NELL1: variants seen among roughly 807,000 people sequenced by gnomAD.
NELL1 encodes protein kinase C-binding protein NELL1.
Under a neutral mutation model 107.4 loss-of-function variants are expected in NELL1, and 76 were observed. The ratio of observed to expected loss-of-function variants is 0.71; its 90% CI spans 0.59 to 0.86. The LOEUF is 0.86. Ranked by LOEUF, NELL1 falls within the 40% of genes least tolerant of loss-of-function variation. The probability of loss-of-function intolerance (pLI) is 0.00; values close to 1 mark genes in which losing one functional copy is unlikely to be tolerated. For synonymous variants in NELL1, 353 were observed against 341.2 expected, an observed-to-expected ratio of 1.03 and a Z score of -0.38; for missense variants, 1,024 against 1,005.5, an observed-to-expected ratio of 1.02 and a Z score of -0.25.
intron 12 of NELL1, among the ~76,000 whole-genome samples, chr11:21,057,313 C>T (rs759260912): frequency 6.6e-6 from 1 of 151,942 alleles, no homozygotes; most frequent in Non-Finnish European, 1.5e-5. Context: ...AGGTAAAGAT[C>T]ACACCAGCAG....
At chr11:20,894,115 C>A (rs1849676234) in intron 5 of NELL1, among the ~76,000 whole-genome samples, 1 of 152,080 alleles carries the variant, frequency 6.6e-6, no homozygotes, top group Non-Finnish European at 1.5e-5. Context: ...TTTCACACAA[C>A]TGATAATGCA....
intron 12 of NELL1, among the ~76,000 whole-genome samples, chr11:21,047,326 G>T (rs914160534): frequency 6.6e-6 from 1 of 151,734 alleles, no homozygotes; most frequent in African/African-American, 2.4e-5. Context: ...GCATCCCCCC[G>T]TTTTTTTGTT....
intron 15 of NELL1, among the ~76,000 whole-genome samples, chr11:21,445,543 G>T (rs1590937952): frequency 6.6e-6 from 1 of 152,198 alleles, no homozygotes; most frequent in East Asian, 1.9e-4. Flanking sequence ...CCATGTTGAG[G>T]CTGGTCTCGA....
At chr11:20,713,126 G>C (rs1564875165) in intron 2 of NELL1, among the ~76,000 whole-genome samples, 1 of 152,204 alleles carries the variant, frequency 6.6e-6, no homozygotes, top group Non-Finnish European at 1.5e-5. Flanking sequence ...GCTTTCAAGA[G>C]AGCATCAGCT....
At chr11:20,905,040 G>A (rs1282075427) in intron 5 of NELL1, among the ~76,000 whole-genome samples, 1 of 144,026 alleles carries the variant, frequency 6.9e-6, no homozygotes, top group Non-Finnish European at 1.5e-5. Context: ...AAGTCTCACT[G>A]TGTTGCCCAG....
chr11:20,768,406 C>T (rs1170559240), intron 2 of NELL1, among the ~76,000 whole-genome samples: 2 of 152,214 alleles, frequency 1.3e-5, no homozygotes, highest in African/African-American at 4.8e-5. Flanking sequence ...GGCCAGAGAG[C>T]ATAGCCAGGG....
chr11:20,771,946 G>A (rs1028360988), intron 2 of NELL1, among the ~76,000 whole-genome samples: 5 of 152,138 alleles, frequency 3.3e-5, no homozygotes, highest in African/African-American at 1.2e-4. Context: ...TTCAATGCAG[G>A]CAGATTTTTA....
intron 13 of NELL1, among the ~76,000 whole-genome samples, chr11:21,145,661 T>A (rs1371816452): frequency 6.6e-6 from 1 of 152,170 alleles, no homozygotes; most frequent in Non-Finnish European, 1.5e-5. Context: ...GTCTTAGACA[T>A]TTTTAGTAAG....
intron 3 of NELL1, among the ~76,000 whole-genome samples, chr11:20,836,828 CAG>C (rs35930539): frequency 0.63 from 96,317 of 151,698 alleles, 32,633 homozygotes; most frequent in Non-Finnish European, 0.77. Context: ...AGGTGAAAAA[CAG>C]AGGAATTTTT....
chr11:21,441,536 G>C (rs180701878), intron 15 of NELL1, among the ~76,000 whole-genome samples: 224 of 151,950 alleles, frequency 1.5e-3, no homozygotes, highest in Non-Finnish European at 3.0e-3. Context: ...ATCATTAAAG[G>C]CTGTATGATA....
In NELL1 at chr11:21,170,061, C is replaced by T; in HGVS notation, c.1426+56347C>T. The T allele has an allele frequency of 5.5e-6, 6 of 1,098,738 alleles. No homozygotes were observed. The South Asian group carries it at 7.8e-5, about 14-fold the overall frequency. The allele number at this position is 1,098,738 out of a possible 1,614,324, so 68.1% of individuals were successfully genotyped here. A position where few individuals can be genotyped will look rare whatever the true frequency, so the allele number is the denominator to read the frequency against. Reference sequence around the variant, plus strand: ...ACAGACCACATCCCTGAGCCTGAACCCAGCCTCTTGGAGTCCAAGTTCTTT... The same window carrying T: ...ACAGACCACATCCCTGAGCCTGAACTCAGCCTCTTGGAGTCCAAGTTCTTT... On this transcript the variant is annotated intron_variant, in intron 13 of 19. Coordinates refer to ENST00000357134, the MANE Select transcript of NELL1 (RefSeq NM_006157.5).
intron 14 of NELL1, among the ~76,000 whole-genome samples, chr11:21,326,112 C>G (rs1164806291): frequency 1.1e-5 from 1 of 90,314 alleles, no homozygotes; most frequent in Non-Finnish European, 2.1e-5. Flanking sequence ...TAAATGAACA[C>G]TCTTACACTA....
intron 3 of NELL1, among the ~76,000 whole-genome samples, chr11:20,795,116 C>T (rs1414078990): frequency 6.6e-6 from 1 of 152,222 alleles, no homozygotes; most frequent in Non-Finnish European, 1.5e-5. Flanking sequence ...AGGCAGACAT[C>T]TCTCTCACCT....
At position 21,316,081 on chromosome 11, in the gene NELL1, T is replaced by C. The variant is rs77118947; in HGVS notation, c.1550-54772T>C. Among the ~76,000 whole-genome samples the C allele has an allele frequency of 8.6e-4, 131 of 152,312 alleles. 1 individual carries two copies. The East Asian group carries it at 0.021, about 25-fold the overall frequency. The stretch of plus-strand genomic sequence containing the variant: ...TTGGGACAGTTTGTGAATATCAATT[T>C]GTCAAAAATATGTTGACTTATAGTA... On this transcript the variant is annotated intron_variant, in intron 14 of 19. Transcript: ENST00000357134.
intron 13 of NELL1, among the ~76,000 whole-genome samples, chr11:21,170,734 T>C (rs1297579516): frequency 6.7e-6 from 1 of 149,552 alleles, no homozygotes; most frequent in African/African-American, 2.5e-5. Flanking sequence ...TCACTCTATA[T>C]AAAGTATATG....
chr11:20,940,995 T>A (rs910380458), intron 10 of NELL1, among the ~76,000 whole-genome samples: 1 of 151,980 alleles, frequency 6.6e-6, no homozygotes, highest in Non-Finnish European at 1.5e-5. Context: ...AAAAATTAGC[T>A]GGGCATGATG....
chr11:20,956,501 C>T (rs1026158702), intron 11 of NELL1, among the ~76,000 whole-genome samples: 2 of 151,838 alleles, frequency 1.3e-5, no homozygotes, highest in African/African-American at 2.4e-5. Flanking sequence ...AAAAAATTAG[C>T]CGGGCATGGT....
intron 14 of NELL1, among the ~76,000 whole-genome samples, chr11:21,248,658 C>G (rs914993085): frequency 6.6e-6 from 1 of 152,120 alleles, no homozygotes. Context: ...CTTTTTGCCA[C>G]CCAGCGTTCT....
chr11:21,536,441 A>G (rs550114724), intron 16 of NELL1, among the ~76,000 whole-genome samples: 6 of 152,198 alleles, frequency 3.9e-5, no homozygotes, highest in African/African-American at 1.4e-4. Context: ...TATGAATTTC[A>G]TTTTCCTAAA....
Sources: allele counts gnomAD v4.1 joint callset (sites outside exome capture counted in the v4.1 genomes callset), GRCh38; gene constraint gnomAD v4.1.1; transcripts MANE v1.5; gene names NCBI Gene and HGNC (gene_info 2026-07-23, HGNC 2026-07-21).